Variants in NKAIN2 observed in about 807,000 individuals in gnomAD.
NKAIN2 encodes the protein sodium/potassium transporting ATPase interacting 2.
Under a neutral mutation model 32.6 loss-of-function variants are expected in NKAIN2, and 14 were observed. The observed-to-expected ratio is 0.43, with a 90% confidence interval of 0.28 to 0.67. The LOEUF (loss-of-function observed/expected upper bound fraction) is 0.67, where lower values mean the gene tolerates loss of function less well. Among genes scored for constraint, NKAIN2 ranks in the 30% least tolerant of loss-of-function variants. NKAIN2 has a pLI of 0.17. For synonymous variants in NKAIN2, 80 were observed against 87.2 expected (o/e 0.92, Z 0.46); for missense variants, 198 against 258.3 (o/e 0.77, Z 1.60).
chr6:124,532,889 C>T (rs1779576818), intron 3 of NKAIN2, among the ~76,000 whole-genome samples: 1 of 152,134 alleles, frequency 6.6e-6, no homozygotes, highest in Non-Finnish European at 1.5e-5. Flanking sequence ...CCAAGCTCTC[C>T]AGTAGAGTCT....
At chr6:124,590,967 A>G (rs896187289) in intron 3 of NKAIN2, among the ~76,000 whole-genome samples, 2 of 152,194 alleles carry the variant, frequency 1.3e-5, no homozygotes, top group Admixed American at 6.5e-5. Context: ...TCTCCCTTCT[A>G]TGAGAGAGAC....
In NKAIN2 at chr6:124,763,481, C is replaced by A. The variant is rs115022897; in HGVS notation, c.475-27858C>A. Among the ~76,000 whole-genome samples the A allele has an allele frequency of 4.0e-3, 602 of 152,286 alleles. 2 individuals carry two copies. Among genetic ancestry groups the A allele is most frequent in the African/African-American group, 0.014 (580 of 41,558 alleles). On this transcript the variant is annotated intron_variant, in intron 4 of 6. Transcript: ENST00000368417. ...GGTGCCACACACTTTTAAACAACCA[C>A]ATCTCACAAGAACTCAGTCACTATC...
intron 1 of NKAIN2, among the ~76,000 whole-genome samples, chr6:123,960,262 C>G (rs1777783549): frequency 6.6e-6 from 1 of 152,186 alleles, no homozygotes; most frequent in Non-Finnish European, 1.5e-5. Flanking sequence ...GTTGCGGTCT[C>G]TGGTTAAATG....
chr6:124,254,831 G>C (rs1793850491), intron 1 of NKAIN2, among the ~76,000 whole-genome samples: 1 of 152,106 alleles, frequency 6.6e-6, no homozygotes, highest in Non-Finnish European at 1.5e-5. Context: ...CAAAACAATA[G>C]TATAACCTAA....
chr6:124,055,756 C>A (rs968197693), intron 1 of NKAIN2, among the ~76,000 whole-genome samples: 1 of 151,952 alleles, frequency 6.6e-6, no homozygotes, highest in East Asian at 1.9e-4. Flanking sequence ...AAATCACTCT[C>A]CTAGTTGCCA....
At chr6:124,040,017 T>A (rs565757968) in intron 1 of NKAIN2, among the ~76,000 whole-genome samples, 1 of 151,996 alleles carries the variant, frequency 6.6e-6, no homozygotes, top group East Asian at 1.9e-4. Flanking sequence ...TGTGTGCTGA[T>A]AATCTGGATT....
chr6:123,850,697 A>C (rs1351057710), intron 1 of NKAIN2, among the ~76,000 whole-genome samples: 2 of 152,230 alleles, frequency 1.3e-5, no homozygotes, highest in African/African-American at 4.8e-5. Context: ...TGAGCGAATG[A>C]ACGTATGCAT....
chr6:124,456,772 T>C (rs1776339342), intron 3 of NKAIN2, among the ~76,000 whole-genome samples: 1 of 151,960 alleles, frequency 6.6e-6, no homozygotes. Flanking sequence ...TCATGAGATG[T>C]ATTATTTTAT....
At chr6:124,583,436 T>C (rs767728275) in intron 3 of NKAIN2, among the ~76,000 whole-genome samples, 3 of 151,898 alleles carry the variant, frequency 2.0e-5, no homozygotes, top group Non-Finnish European at 4.4e-5. Flanking sequence ...GCTTACACAA[T>C]GAAAACTATA....
intron 1 of NKAIN2, among the ~76,000 whole-genome samples, chr6:124,265,240 A>G (rs1794439548): frequency 6.6e-6 from 1 of 152,070 alleles, no homozygotes; most frequent in African/African-American, 2.4e-5. Flanking sequence ...ATGTCTATGT[A>G]TTTATTAGGT....
At chr6:124,195,980 T>A (rs977646630) in intron 1 of NKAIN2, among the ~76,000 whole-genome samples, 15 of 152,078 alleles carry the variant, frequency 9.9e-5, no homozygotes, top group African/African-American at 3.4e-4. Flanking sequence ...TTTAAAAAAA[T>A]TTGTACTAAA....
intron 3 of NKAIN2, among the ~76,000 whole-genome samples, chr6:124,657,032 T>C (rs567998684): frequency 6.6e-6 from 1 of 152,290 alleles, no homozygotes; most frequent in Non-Finnish European, 1.5e-5. Flanking sequence ...ATGGAGATGA[T>C]GACATTCATA....
chr6:124,521,876 G>A (rs751852875), intron 3 of NKAIN2, among the ~76,000 whole-genome samples: 2 of 151,904 alleles, frequency 1.3e-5, no homozygotes, highest in Non-Finnish European at 2.9e-5. Flanking sequence ...AGATATGTCT[G>A]TTTATGTCTC....
At chr6:123,910,630 A>G (rs2114452548) in intron 1 of NKAIN2, among the ~76,000 whole-genome samples, 1 of 149,576 alleles carries the variant, frequency 6.7e-6, no homozygotes, top group African/African-American at 2.5e-5. Context: ...CAGCCTCCTG[A>G]GTAGCTGGGA....
chr6:124,638,745 G>T (rs1336852347), intron 3 of NKAIN2, among the ~76,000 whole-genome samples: 1 of 151,718 alleles, frequency 6.6e-6, no homozygotes, highest in East Asian at 1.9e-4. Context: ...AATACAAAAA[G>T]CCAGACGTGG....
At chr6:124,528,435 CT>C (rs1228756350) in intron 3 of NKAIN2, among the ~76,000 whole-genome samples, 5 of 152,214 alleles carry the variant, frequency 3.3e-5, no homozygotes, top group African/African-American at 4.8e-5. Flanking sequence ...GGTTTGACAG[CT>C]TGCAGAAATG....
intron 4 of NKAIN2, among the ~76,000 whole-genome samples, chr6:124,774,165 G>T (rs1778883905): frequency 6.6e-6 from 1 of 152,188 alleles, no homozygotes; most frequent in Non-Finnish European, 1.5e-5. Context: ...AGGCTGAATT[G>T]TTGCAAGTGG....
chr6:124,018,547 A>G (rs963602073), intron 1 of NKAIN2, among the ~76,000 whole-genome samples: 1 of 152,094 alleles, frequency 6.6e-6, no homozygotes, highest in Non-Finnish European at 1.5e-5. Flanking sequence ...TAAATCATCT[A>G]TCTTAAGTTC....
intron 4 of NKAIN2, among the ~76,000 whole-genome samples, chr6:124,674,162 T>C (rs535653062): frequency 1.3e-5 from 2 of 152,036 alleles, no homozygotes; most frequent in Non-Finnish European, 2.9e-5. Flanking sequence ...TTTGACTGTA[T>C]ATGCATAGGC....
Sources: allele counts gnomAD v4.1 joint callset (sites outside exome capture counted in the v4.1 genomes callset), GRCh38; gene constraint gnomAD v4.1.1; transcripts MANE v1.5; gene names NCBI Gene and HGNC (gene_info 2026-07-23, HGNC 2026-07-21).